The following DIAPH2 variants were observed in gnomAD, a reference collection of about 807,000 sequenced individuals.
DIAPH2 encodes the protein protein diaphanous homolog 2.
Under a neutral mutation model 92.7 loss-of-function variants are expected in DIAPH2, and 35 were observed. The ratio of observed to expected loss-of-function variants is 0.38; its 90% CI spans 0.29 to 0.50. DIAPH2 has a LOEUF of 0.50. Ranked by LOEUF, DIAPH2 falls within the 20% of genes least tolerant of loss-of-function variation. The pLI is 0.94. For synonymous variants in DIAPH2, 301 were observed against 280.4 expected, an observed-to-expected ratio of 1.07 and a Z score of -0.73; for missense variants, 701 against 819.5, an observed-to-expected ratio of 0.86 and a Z score of 1.77.
intron 5 of DIAPH2, among the ~76,000 whole-genome samples, chrX:96,888,615 CTATA>C (rs1269799528): frequency 1.5e-4 from 14 of 93,610 alleles, no homozygotes; most frequent in Non-Finnish European, 2.3e-4. Context: ...CTATATATAT[CTATA>C]TATATACACA....
At chrX:96,785,059 G>A (rs1163427770) in intron 4 of DIAPH2, among the ~76,000 whole-genome samples, 7 of 111,830 alleles carry the variant, frequency 6.3e-5, no homozygotes, top group Non-Finnish European at 1.3e-4. Flanking sequence ...TATGTTGTGA[G>A]GATTAAATGT....
chrX:97,458,026 G>A (rs1487912400), intron 26 of DIAPH2, among the ~76,000 whole-genome samples: 1 of 111,779 alleles, frequency 8.9e-6, no homozygotes, highest in Non-Finnish European at 1.9e-5. Flanking sequence ...AAGAGTGAGT[G>A]ATCTAAGAGA....
intron 4 of DIAPH2, among the ~76,000 whole-genome samples, chrX:96,774,881 C>T (rs1355092391): frequency 1.8e-5 from 2 of 111,953 alleles, no homozygotes; most frequent in Non-Finnish European, 3.8e-5. Flanking sequence ...GCTATAACAG[C>T]AATAAAATAA....
Position 96,854,598 on chromosome X carries a change from CATATATATATATATATATATATAT to C in DIAPH2, c.448-26960_448-26937del, listed in dbSNP as rs57209486. On this transcript the variant is annotated intron_variant, in intron 4 of 26. Transcript: ENST00000324765. ...AAAAACCAAGACTCTCTCTCTCTCTCATATATATATATATATATATATATATATATATATATATATATATCCATC... is the reference window on the plus strand; with the variant it reads ...AAAAACCAAGACTCTCTCTCTCTCTCATATATATATATATATATATCCATC... Among the ~76,000 whole-genome samples the C allele has an allele frequency of 1.7e-3, 63 of 37,124 alleles. 1 individual carries two copies. Among genetic ancestry groups the C allele is most frequent in the East Asian group, 8.2e-3 (7 of 851 alleles). 32.2% of individuals were successfully genotyped at this position (37,124 alleles called of 115,157 possible). A position where few individuals can be genotyped will look rare whatever the true frequency, so the allele number is the denominator to read the frequency against.
At chrX:97,587,561 T>C (rs144880942) in intron 26 of DIAPH2, among the ~76,000 whole-genome samples, 90 of 112,414 alleles carry the variant, frequency 8.0e-4, no homozygotes, top group African/African-American at 2.8e-3. Flanking sequence ...AGAACCTTGA[T>C]AAATTCTGAC....
Position 96,802,667 on chromosome X carries a change from T to C in DIAPH2, c.447+44409T>C, listed in dbSNP as rs761547286. ...AAATGGTTTTCCAAGGTGGTTGTAT[T>C]AGTCAGCGTTCTCCAGAGGGACAGA... On this transcript the variant is annotated intron_variant, in intron 4 of 26. Coordinates refer to ENST00000324765, the MANE Select transcript of DIAPH2 (RefSeq NM_006729.5). Among the ~76,000 whole-genome samples, 33 of 111,570 alleles carry C rather than the reference T, an allele frequency of 3.0e-4. 1 individual carries two copies. In the Admixed American group the frequency reaches 3.1e-3, roughly 11 times the overall value.
At chrX:97,111,984 A>G (rs1336625922) in intron 20 of DIAPH2, among the ~76,000 whole-genome samples, 1 of 112,512 alleles carries the variant, frequency 8.9e-6, no homozygotes, top group Non-Finnish European at 1.9e-5. Flanking sequence ...AAAGTACTTA[A>G]TAAGTGTTAA....
chrX:96,921,894 T>G (rs1291422357), intron 9 of DIAPH2, among the ~76,000 whole-genome samples: 7 of 111,034 alleles, frequency 6.3e-5, no homozygotes, highest in Non-Finnish European at 1.9e-5. Context: ...TCCATGAATG[T>G]TCTGAATTGC....
chrX:97,356,553 G>C (rs915284075), intron 24 of DIAPH2, among the ~76,000 whole-genome samples: 10 of 112,020 alleles, frequency 8.9e-5, no homozygotes, highest in Admixed American at 4.8e-4. Flanking sequence ...TTCCCCAGCT[G>C]TGCCAGAGAG....
At chrX:97,212,794 G>A (rs900613225) in intron 22 of DIAPH2, among the ~76,000 whole-genome samples, 1 of 110,341 alleles carries the variant, frequency 9.1e-6, no homozygotes, top group Non-Finnish European at 1.9e-5. Context: ...TGTCAAAATT[G>A]TTCTATTTAG....
intron 22 of DIAPH2, among the ~76,000 whole-genome samples, chrX:97,238,914 T>C (rs1354323133): frequency 3.6e-5 from 4 of 111,773 alleles, no homozygotes; most frequent in Non-Finnish European, 7.5e-5. Flanking sequence ...ACTAAATATA[T>C]TCAGTTAAGG....
intron 25 of DIAPH2, among the ~76,000 whole-genome samples, chrX:97,402,098 T>TTTGTGTTG (rs1025977679): frequency 5.4e-5 from 6 of 111,997 alleles, no homozygotes; most frequent in African/African-American, 1.9e-4. Flanking sequence ...CAGTAGAGTC[T>TTTGTGTTG]TTGTGTTGTT....
intron 17 of DIAPH2, among the ~76,000 whole-genome samples, chrX:96,991,475 C>T (rs2147848768): frequency 9.3e-6 from 1 of 107,758 alleles, no homozygotes; most frequent in East Asian, 2.9e-4. Context: ...CATAACTTGC[C>T]CAAGATAACA....
chrX:97,295,250 A>T (rs961364255), intron 23 of DIAPH2, among the ~76,000 whole-genome samples: 1 of 111,621 alleles, frequency 9.0e-6, no homozygotes, highest in Non-Finnish European at 1.9e-5. Context: ...TTTGTTTAGC[A>T]TTTACCATGA....
chrX:96,771,672 G>A (rs949449757), intron 4 of DIAPH2, among the ~76,000 whole-genome samples: 1 of 111,293 alleles, frequency 9.0e-6, no homozygotes, highest in Non-Finnish European at 1.9e-5. Flanking sequence ...ATGAGGCAAT[G>A]CTTCCTCTAT....
At chrX:96,900,173 T>C (rs2065383064) in intron 5 of DIAPH2, among the ~76,000 whole-genome samples, 1 of 112,005 alleles carries the variant, frequency 8.9e-6, no homozygotes. Context: ...TAGTTTTCCT[T>C]ATAGAGATAT....
intron 26 of DIAPH2, among the ~76,000 whole-genome samples, chrX:97,548,324 G>A (rs191423796): frequency 9.0e-6 from 1 of 111,540 alleles, no homozygotes; most frequent in African/African-American, 3.3e-5. Context: ...TGATTACATG[G>A]CCATACAGCC....
At chrX:97,151,661 TACTG>T (rs2067286991) in intron 22 of DIAPH2, among the ~76,000 whole-genome samples, 1 of 111,626 alleles carries the variant, frequency 9.0e-6, no homozygotes, top group African/African-American at 3.3e-5. Flanking sequence ...CCTTGGCACT[TACTG>T]ACCTAAAATA....
chrX:96,836,070 C>T (rs990199242), intron 4 of DIAPH2, among the ~76,000 whole-genome samples: 1 of 109,997 alleles, frequency 9.1e-6, no homozygotes, highest in Non-Finnish European at 1.9e-5. Flanking sequence ...CTGCCTCTGG[C>T]CTCTGTCACT....
Sources: allele counts gnomAD v4.1 joint callset (sites outside exome capture counted in the v4.1 genomes callset), GRCh38; gene constraint gnomAD v4.1.1; transcripts MANE v1.5; gene names NCBI Gene and HGNC (gene_info 2026-07-23, HGNC 2026-07-21).